The following SYNPO2L variants were observed in gnomAD, a reference collection of about 807,000 sequenced individuals.
SYNPO2L encodes the protein synaptopodin 2-like protein.
A neutral mutation model predicts 47.5 loss-of-function variants in SYNPO2L; 34 were observed. The observed-to-expected ratio is 0.72, with a 90% CI of 0.54 to 0.95. The LOEUF is 0.95. SYNPO2L is among the 40% of genes least tolerant of loss of function. The probability of loss-of-function intolerance (pLI) is 0.00; values close to 1 mark genes in which losing one functional copy is unlikely to be tolerated. For synonymous variants in SYNPO2L, 536 were observed against 524.9 expected (o/e 1.02, Z -0.29); for missense variants, 1,246 against 1,282.0 (o/e 0.97, Z 0.43).
chr10:73,655,964 C>G lies in SYNPO2L; in HGVS notation c.-42G>C, dbSNP rs915931110. The G allele has an allele frequency of 6.7e-5, 101 of 1,508,556 alleles. No individual in the cohort carries two copies. The highest frequency in any genetic ancestry group is 8.9e-5 in the Non-Finnish European group (100 of 1,120,590). The allele number at this position is 1,508,556 out of a possible 1,614,324, so 93.4% of individuals were successfully genotyped here. ...TGGCCCCCGGAGTTTGAACAGTGTC[C>G]CCAGGAGAGAAGTTGAGGTGCTCGA... On this transcript the variant is annotated 5_prime_UTR_variant, in exon 1 of 4. Coordinates refer to ENST00000394810, the MANE Select transcript of SYNPO2L (RefSeq NM_001114133.3).
intron 1 of SYNPO2L, 89 bp from the exon 2 acceptor site, chr10:73,654,369 G>T (rs1316740830): frequency 4.7e-6 from 7 of 1,498,058 alleles, no homozygotes; most frequent in Non-Finnish European, 6.3e-6. Flanking sequence ...CACAGGAGGG[G>T]ATTTTACTTT....
chr10:73,648,309 C>G lies in SYNPO2L; in HGVS notation c.1343G>C (p.Arg448Thr). Residue 448 changes from arginine (R) to threonine (T), a missense_variant, in exon 4 of 4, where the codon AGA becomes ACA. Arg to Thr is a moderately conservative substitution (Grantham distance 71). Around this residue, in one of 3 missense-constraint regions of SYNPO2L, gnomAD observed 1,037 missense variants for 1,021.5 expected, o/e 1.02. Transcript: ENST00000394810. ...GGCTCCACCACCTGGTTGGAAGGGTCTGGGGCTGGCTACAGGCGCCGGCAA... is the reference window on the plus strand; with the variant it reads ...GGCTCCACCACCTGGTTGGAAGGGTGTGGGGCTGGCTACAGGCGCCGGCAA... ...SPLPAPVASP[R>T]PFQPGGGAPT... 1.9e-6 allele frequency: 3 copies of G among 1,604,614 alleles called. No individual in the cohort carries two copies. Among genetic ancestry groups the G allele is most frequent in the Non-Finnish European group, 2.5e-6 (3 of 1,179,452 alleles).
intron 3 of SYNPO2L, among the ~76,000 whole-genome samples, chr10:73,649,152 T>C (rs2081815762): frequency 6.6e-6 from 1 of 152,140 alleles, no homozygotes; most frequent in African/African-American, 2.4e-5. Flanking sequence ...TCTGCTCCTA[T>C]CTTCCAAGAG....
Position 73,646,493 on chromosome 10 carries a change from A to C in SYNPO2L, c.*225T>G, listed in dbSNP as rs2081750440. 6 of 1,230,268 alleles carry C rather than the reference A, an allele frequency of 4.9e-6. No individual in the cohort carries two copies. The highest frequency in any genetic ancestry group is 6.1e-6 in the Non-Finnish European group (6 of 987,280). 76.2% of individuals were successfully genotyped at this position (1,230,268 alleles called of 1,614,324 possible). ...CAGAGATCCAGGAAAGGAAATGCAG[A>C]GACAAAGAGAGGCAAAGATACCAAA... is the stretch of plus-strand genomic sequence containing the variant. On this transcript the variant is annotated 3_prime_UTR_variant, in exon 4 of 4. Transcript: ENST00000394810.
chr10:73,648,311 G>C lies in SYNPO2L; in HGVS notation c.1341C>G (p.Pro447=), dbSNP rs1434741853. Residue 447 remains proline, a synonymous_variant, in exon 4 of 4, where the codon CCC becomes CCG. Coordinates refer to ENST00000394810, the MANE Select transcript of SYNPO2L (RefSeq NM_001114133.3). ...PSPLPAPVAS[P]RPFQPGGGAP... Reference sequence around the variant, plus strand: ...CTCCACCACCTGGTTGGAAGGGTCTGGGGCTGGCTACAGGCGCCGGCAAGG... The same window carrying C: ...CTCCACCACCTGGTTGGAAGGGTCTCGGGCTGGCTACAGGCGCCGGCAAGG... 6.2e-7 allele frequency: 1 copy of C among 1,604,708 alleles called. No individual in the cohort carries two copies. The highest frequency in any genetic ancestry group is 1.7e-5 in the Admixed American group (1 of 59,838).
intron 3 of SYNPO2L, chr10:73,649,778 C>A (rs2081823942): frequency 2.0e-6 from 2 of 985,396 alleles, no homozygotes; most frequent in African/African-American, 1.7e-5. Context: ...ACTGCCAGGG[C>A]AGTCCTCTGG....
rs1242632584 is a variant in SYNPO2L, at chr10:73,648,462, C to T, written c.1190G>A (p.Arg397His). The change falls in exon 4 of 4, where the codon CGC becomes CAC. Residue 397 changes from arginine (R) to histidine (H), a missense_variant. Physicochemically the swap from Arg to His is conservative, Grantham distance 29. Transcript: ENST00000394810. ...CAGTTCCTGGGTGCTGGAGTCTGCG[C>T]GCTGGCGCTGCTGTTCAAAGAGCTG... Reference protein sequence around the residue: ...GVQLFEQQRQRADSSTQELAR... With the variant: ...GVQLFEQQRQHADSSTQELAR... The T allele has an allele frequency of 2.5e-6, 4 of 1,611,544 alleles. No individual in the cohort carries two copies. The highest frequency in any genetic ancestry group is 2.2e-5 in the East Asian group (1 of 44,880).
intron 1 of SYNPO2L, among the ~76,000 whole-genome samples, chr10:73,655,419 C>A (rs1377509584): frequency 2.0e-5 from 3 of 152,072 alleles, no homozygotes; most frequent in Admixed American, 2.0e-4. Context: ...CTGTTCGAGG[C>A]AGTTTCAGTT....
chr10:73,652,210 T>C (rs1476824953), intron 3 of SYNPO2L, among the ~76,000 whole-genome samples: 4 of 151,938 alleles, frequency 2.6e-5, no homozygotes, highest in Non-Finnish European at 5.9e-5. Context: ...TGGAGTGCAG[T>C]GGCGCAAACA....
Position 73,646,864 on chromosome 10 carries a change from G to A in SYNPO2L, c.2788C>T (p.Pro930Ser), listed in dbSNP as rs1345017032. Residue 930 changes from proline (P) to serine (S), a missense_variant, in exon 4 of 4, where the codon CCT becomes TCT. By Grantham distance (74) the Pro-to-Ser change is moderately conservative. Transcript: ENST00000394810. Reference protein sequence around the residue: ...WRTELASAPVPSPAPPPEAPR... With the variant: ...WRTELASAPVSSPAPPPEAPR... ...GCCTCTGGAGGAGGGGCTGGGCTAG[G>A]AACAGGGGCTGAGGCCAGTTCTGTT... 1.2e-5 allele frequency: 19 copies of A among 1,561,164 alleles called. No homozygotes were observed. Among genetic ancestry groups the A allele is most frequent in the Non-Finnish European group, 1.6e-5 (18 of 1,152,570 alleles).
intron 3 of SYNPO2L, among the ~76,000 whole-genome samples, chr10:73,651,734 C>T (rs959777527): frequency 6.6e-6 from 1 of 152,104 alleles, no homozygotes; most frequent in African/African-American, 2.4e-5. Flanking sequence ...CTCTCAGTCC[C>T]CAGGAATCCG....
rs1239767298 is a variant in SYNPO2L, at chr10:73,647,588, C to T, written c.2064G>A (p.Gln688=). 4 of 1,613,624 alleles carry T rather than the reference C, an allele frequency of 2.5e-6. No homozygotes were observed. The highest frequency in any genetic ancestry group is 2.5e-6 in the Non-Finnish European group (3 of 1,179,754). Residue 688 remains glutamine, a synonymous_variant, in exon 4 of 4, where the codon CAG becomes CAA. Coordinates refer to ENST00000394810, the MANE Select transcript of SYNPO2L (RefSeq NM_001114133.3). ...SLGAEACNFM[Q]PVGARSYKTL... is the part of the protein sequence containing the mutation. ...TCTTGTAACTCCTGGCCCCTACTGG[C>T]TGCATGAAGTTGCAGGCTTCAGCCC...
At chr10:73,650,899 G>A (rs764010024) in intron 3 of SYNPO2L, 12 of 1,607,236 alleles carry the variant, frequency 7.5e-6, no homozygotes, top group Admixed American at 1.7e-5. Context: ...AGATATGGGA[G>A]GGTAGTACCT....
chr10:73,655,188 G>A (rs2081869384), intron 1 of SYNPO2L, among the ~76,000 whole-genome samples: 1 of 152,156 alleles, frequency 6.6e-6, no homozygotes, highest in African/African-American at 2.4e-5. Context: ...CATGAAGTAG[G>A]TACAGGTACT....
At chr10:73,651,562 C>A (rs1124352) in intron 3 of SYNPO2L, among the ~76,000 whole-genome samples, 19,426 of 151,920 alleles carry the variant, frequency 0.13, 2,921 homozygotes, top group African/African-American at 0.35. Flanking sequence ...GCAGGGAGAA[C>A]GTTTACCCTT....
Position 73,646,956 on chromosome 10 carries a change from G to A in SYNPO2L, c.2696C>T (p.Ala899Val). 1 of 1,608,198 alleles carries A rather than the reference G, an allele frequency of 6.2e-7. No homozygotes were observed. The highest frequency in any genetic ancestry group is 8.5e-7 in the Non-Finnish European group (1 of 1,176,348). The stretch of plus-strand genomic sequence containing the variant: ...AAGCACAGTGGGAGCCAGGGGTTCT[G>A]CAGTGGGCTGGGGTGCCGGAGTGGA... ...RFSTPAPQPTAEPLAPTVLAP... is the reference protein window; with the variant it reads ...RFSTPAPQPTVEPLAPTVLAP... The change falls in exon 4 of 4, where the codon GCA becomes GTA. Residue 899 changes from alanine to valine, a missense_variant. Transcript: ENST00000394810.
Position 73,647,278 on chromosome 10 carries a change from T to C in SYNPO2L, c.2374A>G (p.Thr792Ala), listed in dbSNP as rs147496894. ...LGPRPRSPSP[T>A]PSLPPSWKYS... The stretch of plus-strand genomic sequence containing the variant: ...TTCCAGGAAGGGGGCAGAGACGGGG[T>C]AGGAGAAGGACTTCTAGGCCGAGGG... Residue 792 changes from threonine to alanine, a missense_variant, in exon 4 of 4, where the codon ACC becomes GCC. Physicochemically the swap from Thr to Ala is moderately conservative, Grantham distance 58 (BLOSUM62 0). Transcript: ENST00000394810. The C allele has an allele frequency of 8.7e-6, 14 of 1,613,402 alleles. No homozygotes were observed. The highest frequency in any genetic ancestry group is 1.1e-5 in the Non-Finnish European group (13 of 1,179,860).
Position 73,647,596 on chromosome 10 carries a change from A to C in SYNPO2L, c.2056T>G (p.Phe686Val), listed in dbSNP as rs367989404. Residue 686 changes from phenylalanine to valine, a missense_variant, in exon 4 of 4, where the codon TTC becomes GTC. Phe to Val is a conservative substitution (Grantham distance 50). This residue lies in a region of SYNPO2L where 1,037 missense variants were observed against 1,021.5 expected (regional missense o/e 1.02). Coordinates refer to ENST00000394810, the MANE Select transcript of SYNPO2L (RefSeq NM_001114133.3). ...ALSLGAEACN[F>V]MQPVGARSYK... ...CTCCTGGCCCCTACTGGCTGCATGA[A>C]GTTGCAGGCTTCAGCCCCGAGGCTC... 1 of 1,613,922 alleles carries C rather than the reference A, an allele frequency of 6.2e-7. No homozygotes were observed. Among genetic ancestry groups the C allele is most frequent in the South Asian group, 1.1e-5 (1 of 91,084 alleles).
chr10:73,647,693 T>C lies in SYNPO2L; in HGVS notation c.1959A>G (p.Leu653=), dbSNP rs766065163. The C allele has an allele frequency of 1.2e-6, 2 of 1,614,038 alleles. No individual in the cohort carries two copies. The highest frequency in any genetic ancestry group is 1.7e-6 in the Non-Finnish European group (2 of 1,179,964). ...ETKNSPNPEL[L]SLVQNLDEKP... is the part of the protein sequence containing the mutation. Reference sequence around the variant, plus strand: ...TTTCATCCAGGTTCTGTACCAGCGATAGCAGCTCGGGGTTGGGCGAGTTCT... The same window carrying C: ...TTTCATCCAGGTTCTGTACCAGCGACAGCAGCTCGGGGTTGGGCGAGTTCT... The change falls in exon 4 of 4, where the codon CTA becomes CTG. Residue 653 remains leucine, a synonymous_variant. Coordinates refer to ENST00000394810, the MANE Select transcript of SYNPO2L (RefSeq NM_001114133.3).
Sources: allele counts gnomAD v4.1 joint callset (sites outside exome capture counted in the v4.1 genomes callset), GRCh38; gene constraint gnomAD v4.1.1; regional missense constraint gnomAD v4.1.1; transcripts MANE v1.5; gene names NCBI Gene and HGNC (gene_info 2026-07-23, HGNC 2026-07-21).